TMEM108: variants seen among roughly 807,000 people sequenced by gnomAD.
The protein encoded by TMEM108 is cancer/testis antigen 124.
In TMEM108, 12 loss-of-function variants were observed where a neutral mutation model predicts 35.1. The ratio of observed to expected loss-of-function variants is 0.34; its 90% confidence interval spans 0.22 to 0.55. The LOEUF (loss-of-function observed/expected upper bound fraction) is 0.55. TMEM108 is among the 20% of genes least tolerant of loss of function. The probability of loss-of-function intolerance (pLI) is 0.89; values close to 1 mark genes in which losing one functional copy is unlikely to be tolerated. For missense variants in TMEM108, 680 were observed against 753.3 expected (o/e 0.90, Z 1.14); for synonymous variants, 287 against 308.6 (o/e 0.93, Z 0.73).
At chr3:133,376,466 C>G (rs369875015) in intron 3 of TMEM108, among the ~76,000 whole-genome samples, 1 of 152,298 alleles carries the variant, frequency 6.6e-6, no homozygotes, top group South Asian at 2.1e-4. Flanking sequence ...CCAGCTGTTG[C>G]AGCAAACACC....
Position 133,207,900 on chromosome 3 carries a change from T to C in TMEM108, c.-46-21366T>C, listed in dbSNP as rs115299931. 4.0e-3 allele frequency among the ~76,000 whole-genome samples: 610 copies of C among 152,338 alleles called. 6 individuals are homozygous for C. The highest frequency in any genetic ancestry group is 0.014 in the African/African-American group (582 of 41,582). ...GCCAACACTACCCATCTGTTTGAAC[T>C]AATGAGCTGTAAACATTTCCCCCAC... On this transcript the variant is annotated intron_variant, in intron 2 of 5. Coordinates refer to ENST00000321871, the MANE Select transcript of TMEM108 (RefSeq NM_023943.4).
chr3:133,086,805 A>G (rs527847481), intron 2 of TMEM108, among the ~76,000 whole-genome samples: 7 of 152,306 alleles, frequency 4.6e-5, no homozygotes, highest in South Asian at 2.1e-4. Context: ...TTTGTCCACT[A>G]TGGTGTAGTT....
chr3:133,121,366 C>T (rs1385562117), intron 2 of TMEM108, among the ~76,000 whole-genome samples: 1 of 152,070 alleles, frequency 6.6e-6, no homozygotes, highest in Non-Finnish European at 1.5e-5. Context: ...GTTTTTTGCT[C>T]CTGTGTTGAA....
At chr3:133,168,678 A>G (rs1049396760) in intron 2 of TMEM108, among the ~76,000 whole-genome samples, 1 of 152,198 alleles carries the variant, frequency 6.6e-6, no homozygotes, top group Non-Finnish European at 1.5e-5. Flanking sequence ...AAATAAGGGA[A>G]TAAAAGCTGG....
intron 2 of TMEM108, among the ~76,000 whole-genome samples, chr3:133,157,893 T>A (rs563637454): frequency 6.6e-6 from 1 of 152,186 alleles, no homozygotes; most frequent in Non-Finnish European, 1.5e-5. Context: ...TGAGTGTGAC[T>A]CTGTTGAAAG....
intron 3 of TMEM108, among the ~76,000 whole-genome samples, chr3:133,376,091 G>A (rs1490880369): frequency 6.6e-6 from 1 of 152,172 alleles, no homozygotes; most frequent in East Asian, 1.9e-4. Flanking sequence ...GGGGAAATAG[G>A]CAGCAGCAAC....
intron 2 of TMEM108, among the ~76,000 whole-genome samples, chr3:133,083,230 C>G (rs1943838246): frequency 7.3e-6 from 1 of 137,902 alleles, no homozygotes; most frequent in Non-Finnish European, 1.5e-5. Flanking sequence ...CCCATGTGAT[C>G]CATCTGTATC....
At chr3:133,267,389 G>A (rs144470569) in intron 3 of TMEM108, among the ~76,000 whole-genome samples, 2 of 152,268 alleles carry the variant, frequency 1.3e-5, no homozygotes, top group East Asian at 1.9e-4. Flanking sequence ...GCAAGAAAAC[G>A]TCAATTAAGG....
intron 3 of TMEM108, among the ~76,000 whole-genome samples, chr3:133,343,606 C>A (rs993010124): frequency 2.2e-4 from 34 of 151,708 alleles, no homozygotes; most frequent in African/African-American, 8.0e-4. Flanking sequence ...ATTTTGTTAA[C>A]TGAAAGAAGC....
At chr3:133,245,141 T>C (rs1249461024) in intron 3 of TMEM108, among the ~76,000 whole-genome samples, 1 of 152,142 alleles carries the variant, frequency 6.6e-6, no homozygotes, top group African/African-American at 2.4e-5. Context: ...GAAAGGAAGA[T>C]CCTTTAGTAA....
intron 2 of TMEM108, among the ~76,000 whole-genome samples, chr3:133,161,598 T>A (rs1944962726): frequency 6.6e-6 from 1 of 152,044 alleles, no homozygotes; most frequent in South Asian, 2.1e-4. Flanking sequence ...TGTGAAAATA[T>A]AACTGGGGTT....
chr3:133,245,636 G>A (rs1224563512), intron 3 of TMEM108, among the ~76,000 whole-genome samples: 1 of 152,174 alleles, frequency 6.6e-6, no homozygotes, highest in Non-Finnish European at 1.5e-5. Context: ...AACAATGCCT[G>A]GCACATGGGA....
intron 2 of TMEM108, among the ~76,000 whole-genome samples, chr3:133,127,755 T>C (rs1222666359): frequency 1.3e-5 from 2 of 152,242 alleles, no homozygotes; most frequent in Non-Finnish European, 2.9e-5. Context: ...CATTTGGCCT[T>C]AATTTCTATG....
At chr3:133,209,329 C>T (rs2107837172) in intron 2 of TMEM108, among the ~76,000 whole-genome samples, 1 of 152,220 alleles carries the variant, frequency 6.6e-6, no homozygotes, top group Middle Eastern at 3.4e-3. Context: ...CATGAGCCAC[C>T]ATGCCTGCCC....
chr3:133,291,772 G>A (rs145116754), intron 3 of TMEM108, among the ~76,000 whole-genome samples: 1 of 152,072 alleles, frequency 6.6e-6, no homozygotes, highest in African/African-American at 2.4e-5. Flanking sequence ...CAGAAGGCAG[G>A]GTTCCTCAAG....
chr3:133,127,912 GC>G (rs575655083), intron 2 of TMEM108, among the ~76,000 whole-genome samples: 154 of 152,178 alleles, frequency 1.0e-3, no homozygotes, highest in Non-Finnish European at 1.7e-3. Context: ...GAGTGGCTGG[GC>G]CGAGAAACTT....
chr3:133,309,682 CTTTTTTTTTTTTTTTTTTTTTTTT>C (rs148272827), intron 3 of TMEM108, among the ~76,000 whole-genome samples: 4 of 69,138 alleles, frequency 5.8e-5, no homozygotes, highest in African/African-American at 2.3e-4. Flanking sequence ...GAGTGAGTTT[CTTTTTTTTTTTTTTTTTTTTTTTT>C]TTTTTTTTTT....
chr3:133,233,193 C>T (rs1275096197), intron 3 of TMEM108, among the ~76,000 whole-genome samples: 1 of 152,098 alleles, frequency 6.6e-6, no homozygotes, highest in East Asian at 1.9e-4. Flanking sequence ...CTCCCCGCTC[C>T]GCCACCCCAC....
intron 3 of TMEM108, among the ~76,000 whole-genome samples, chr3:133,373,348 CAAAAA>C (rs59367666): frequency 2.5e-5 from 2 of 79,910 alleles, no homozygotes. Flanking sequence ...GACCTTGTCT[CAAAAA>C]AAAAAAAAAA....
Sources: gnomAD v4.1 joint callset for allele counts (sites outside exome capture counted in the v4.1 genomes callset) on GRCh38, gnomAD v4.1.1 for gene constraint, MANE v1.5 for transcripts, NCBI Gene and HGNC (gene_info 2026-07-23, HGNC 2026-07-21) for gene names.